The following HUWE1 variants were observed in gnomAD, a reference collection of about 807,000 sequenced individuals.
HUWE1 encodes the protein HECT, UBA and WWE domain containing E3 ubiquitin protein ligase 1.
A neutral mutation model predicts 299.4 loss-of-function variants in HUWE1; 18 were observed. The observed-to-expected ratio is 0.06, with a 90% confidence interval of 0.04 to 0.09. HUWE1 has a LOEUF of 0.09. HUWE1 is among the 10% of genes least tolerant of loss of function. The probability of loss-of-function intolerance (pLI) is 1.00; values close to 1 mark genes in which losing one functional copy is unlikely to be tolerated. For missense variants in HUWE1, 1,832 were observed against 3,462.3 expected (o/e 0.53, Z 11.82); for synonymous variants, 1,317 against 1,286.1 (o/e 1.02, Z -0.51).
chrX:53,649,420 C>T (rs1435969915), intron 4 of HUWE1, among the ~76,000 whole-genome samples: 2 of 111,917 alleles, frequency 1.8e-5, no homozygotes, highest in Non-Finnish European at 3.8e-5. Context: ...CCTATATATC[C>T]AGCAATGCTG....
intron 33 of HUWE1, among the ~76,000 whole-genome samples, chrX:53,591,793 A>G (rs920688398): frequency 8.9e-6 from 1 of 112,114 alleles, no homozygotes; most frequent in African/African-American, 3.2e-5. Context: ...CAAATTTGGT[A>G]ATGAGAGTAT....
chrX:53,600,098 G>C lies in HUWE1; in HGVS notation c.3163+20C>G. ...AGGGACTGAAAGCCAGAAAAGGTAG[G>C]AGAAAGGAGAATGACTCACCTGATA... On this transcript the variant is annotated intron_variant, in intron 29 of 83. Coordinates refer to ENST00000262854, the MANE Select transcript of HUWE1 (RefSeq NM_031407.7). The C allele has an allele frequency of 1.7e-6, 2 of 1,188,385 alleles. No homozygotes were observed. Among genetic ancestry groups the C allele is most frequent in the Non-Finnish European group, 2.3e-6 (2 of 873,895 alleles).
intron 2 of HUWE1, chrX:53,680,790 A>C (rs1346336677): frequency 1.8e-5 from 2 of 112,469 alleles, no homozygotes; most frequent in African/African-American, 3.2e-5. Flanking sequence ...AGGTTTAATA[A>C]ATTTGTGATC....
chrX:53,634,938 TG>T (rs1430812778), intron 7 of HUWE1, among the ~76,000 whole-genome samples: 1 of 112,362 alleles, frequency 8.9e-6, no homozygotes, highest in Non-Finnish European at 1.9e-5. Flanking sequence ...CTAACTAGCC[TG>T]CATCTTAACA....
chrX:53,552,539 C>T, intron 62 of HUWE1, 98 bp from the exon 63 acceptor site: 1 of 1,201,274 alleles, frequency 8.3e-7, no homozygotes. Context: ...AGCTTTATCT[C>T]CCCAGCATAA....
chrX:53,590,926 G>C, intron 34 of HUWE1, 74 bp downstream of exon 34: 1 of 1,142,561 alleles, frequency 8.8e-7, no homozygotes, highest in Admixed American at 2.2e-5. Flanking sequence ...ACCAATGACA[G>C]AATAATAAGG....
chrX:53,680,440 T>C (rs782810580), intron 2 of HUWE1: 86 of 163,762 alleles, frequency 5.3e-4, no homozygotes, highest in African/African-American at 2.5e-3. Context: ...AATGAAATTA[T>C]AGAAGACAGT....
In HUWE1 at chrX:53,618,881, A is replaced by G. The variant is rs181443093; in HGVS notation, c.1673-1435T>C. 7.7e-3 allele frequency among the ~76,000 whole-genome samples: 784 copies of G among 102,228 alleles called. 5 individuals carry two copies. The highest frequency in any genetic ancestry group is 0.046 in the East Asian group (154 of 3,321). 88.8% of individuals were successfully genotyped at this position (102,228 alleles called of 115,157 possible). ...CCCGTTCCAGAATTTTTAAAAGGGG[A>G]AAAAAAAAAAAAATCCAGGTAATAG... is the stretch of plus-strand genomic sequence containing the variant. On this transcript the variant is annotated intron_variant, in intron 19 of 83. Transcript: ENST00000262854.
Position 53,565,154 on chromosome X carries a change from C to T in HUWE1, c.6793G>A (p.Gly2265Ser), listed in dbSNP as rs138162957. 50 of 1,209,421 alleles carry T rather than the reference C, an allele frequency of 4.1e-5. No individual in the cohort carries two copies. In the African/African-American group the frequency reaches 8.0e-4, roughly 19 times the overall value. ...TTCTTGCTAGAAGCACTCTTGCTGCCAAAAAGGCTACTGGGCTGGTTCACA... is the reference window on the plus strand; with the variant it reads ...TTCTTGCTAGAAGCACTCTTGCTGCTAAAAAGGCTACTGGGCTGGTTCACA... ...RIVNQPSSLF[G>S]SKSASSKNKS... The change falls in exon 50 of 84, where the codon GGC becomes AGC. Residue 2265 changes from glycine to serine, a missense_variant. Physicochemically the swap from Gly to Ser is moderately conservative, Grantham distance 56. Around this residue, in one of 15 missense-constraint regions of HUWE1, gnomAD observed 26 missense variants for 20.7 expected, o/e 1.26. Transcript: ENST00000262854.
At chrX:53,560,499 C>CT in intron 55 of HUWE1, 83 bp from the exon 56 acceptor site, 1 of 845,853 alleles carries the variant, frequency 1.2e-6, no homozygotes, top group Non-Finnish European at 1.7e-6. Flanking sequence ...TCTCCTGGGC[C>CT]TTACTTCCTC....
At position 53,541,923 on chromosome X, in the gene HUWE1, G is replaced by GT. The variant is rs782516646; in HGVS notation, c.11476+519dup. ...GGGCTGGGCGCAGTGGCTCATGCCT[G>GT]TAATTCTAACACTCTGGGAGGCCAA... On this transcript the variant is annotated intron_variant, in intron 74 of 83. Transcript: ENST00000262854. 2.7e-5 allele frequency among the ~76,000 whole-genome samples: 3 copies of GT among 112,040 alleles called. No homozygotes were observed. The East Asian group carries it at 8.4e-4, about 31-fold the overall frequency.
intron 3 of HUWE1, among the ~76,000 whole-genome samples, chrX:53,673,514 T>C (rs1308808590): frequency 1.8e-5 from 2 of 111,910 alleles, no homozygotes; most frequent in Non-Finnish European, 3.8e-5. Flanking sequence ...TTCTGTTACA[T>C]GGGTATATTG....
Position 53,539,320 on chromosome X carries a change from T to TA in HUWE1, c.11633-241dup, listed in dbSNP as rs34154526. Among the ~76,000 whole-genome samples the TA allele has an allele frequency of 0.3, 15,611 of 52,671 alleles. 2,888 individuals carry two copies. Among genetic ancestry groups the TA allele is most frequent in the Non-Finnish European group, 0.39 (11,331 of 29,269 alleles). 45.7% of individuals were successfully genotyped at this position (52,671 alleles called of 115,157 possible). ...ACATAGTGAGACCTCATTTCTGATT[T>TA]AAAAAAAAAAAAAAAAAAAAAAAAG... On this transcript the variant is annotated intron_variant, in intron 75 of 83. Transcript: ENST00000262854.
intron 19 of HUWE1, among the ~76,000 whole-genome samples, chrX:53,620,075 G>A (rs1217055406): frequency 3.6e-5 from 4 of 111,284 alleles, no homozygotes; most frequent in Non-Finnish European, 7.5e-5. Flanking sequence ...TTGTTATACA[G>A]ACCCATTCTT....
At chrX:53,533,883 T>C (rs2060881110) in intron 83 of HUWE1, 124 bp downstream of exon 83, 1 of 651,273 alleles carries the variant, frequency 1.5e-6, no homozygotes. Context: ...CACCAAATTG[T>C]GAGTTACCCA....
At chrX:53,685,070 C>A (rs1411687945) in intron 2 of HUWE1, among the ~76,000 whole-genome samples, 1 of 112,348 alleles carries the variant, frequency 8.9e-6, no homozygotes, top group African/African-American at 3.2e-5. Flanking sequence ...TCTTGGGATC[C>A]AATCTGGCTT....
At chrX:53,610,458 G>T (rs1557001107) in intron 23 of HUWE1, among the ~76,000 whole-genome samples, 1 of 111,837 alleles carries the variant, frequency 8.9e-6, no homozygotes, top group East Asian at 2.8e-4. Context: ...CTTTCCAACA[G>T]GACTCAACTT....
At chrX:53,536,074 A>T in intron 80 of HUWE1, 73 bp downstream of exon 80, 1 of 645,106 alleles carries the variant, frequency 1.6e-6, no homozygotes, top group East Asian at 3.3e-5. Flanking sequence ...ACGCAGTGCT[A>T]GTTCTAAGGT....
At position 53,595,580 on chromosome X, in the gene HUWE1, T is replaced by A. The variant is rs782766208; in HGVS notation, c.3164-177A>T. 2.0e-4 allele frequency among the ~76,000 whole-genome samples: 22 copies of A among 112,054 alleles called. No individual in the cohort carries two copies. In the East Asian group the frequency reaches 5.6e-3, roughly 28 times the overall value. On this transcript the variant is annotated intron_variant, in intron 29 of 83. Coordinates refer to ENST00000262854, the MANE Select transcript of HUWE1 (RefSeq NM_031407.7). ...AAAAGGAAGTCCCACAAGGAACAAA[T>A]GCCACTTTTGACGGTAGGAGACAGA...
Sources: allele counts gnomAD v4.1 joint callset (sites outside exome capture counted in the v4.1 genomes callset), GRCh38; gene constraint gnomAD v4.1.1; regional missense constraint gnomAD v4.1.1; transcripts MANE v1.5; gene names NCBI Gene and HGNC (gene_info 2026-07-23, HGNC 2026-07-21).